WWOX: variants seen among roughly 807,000 people sequenced by gnomAD.
WWOX encodes WW domain-containing oxidoreductase.
Under a neutral mutation model 46.2 loss-of-function variants are expected in WWOX, and 69 were observed. The observed-to-expected ratio is 1.49, with a 90% confidence interval of 1.23 to 1.82. The LOEUF is 1.82. Among genes scored for constraint, WWOX ranks in the 40% most tolerant of loss-of-function variants. The pLI is 0.00. For synonymous variants in WWOX, 359 were observed against 202.6 expected (o/e 1.77, Z -6.56); for missense variants, 919 against 542.6 (o/e 1.69, Z -6.89).
intron 8 of WWOX, among the ~76,000 whole-genome samples, chr16:78,456,865 A>G (rs908560585): frequency 2.0e-5 from 3 of 152,248 alleles, no homozygotes; most frequent in Non-Finnish European, 2.9e-5. Context: ...GAAATTTGCA[A>G]TGCATCAGAT....
chr16:78,164,367 G>C (rs2034903703), intron 5 of WWOX, 78 bp downstream of exon 5: 4 of 1,276,608 alleles, frequency 3.1e-6, no homozygotes, highest in Non-Finnish European at 4.5e-6. Context: ...TTTCAGTGGA[G>C]TGTGTAAAGT....
intron 8 of WWOX, among the ~76,000 whole-genome samples, chr16:79,144,972 G>T (rs1478537545): frequency 6.6e-6 from 1 of 152,134 alleles, no homozygotes; most frequent in South Asian, 2.1e-4. Flanking sequence ...ACCATCTGAG[G>T]CTTTAGGCAT....
intron 8 of WWOX, among the ~76,000 whole-genome samples, chr16:79,047,915 A>G (rs1248055740): frequency 6.6e-6 from 1 of 152,020 alleles, no homozygotes; most frequent in Non-Finnish European, 1.5e-5. Flanking sequence ...GAACCAGAAT[A>G]CACCCGAGCA....
chr16:78,936,682 C>A (rs892681388), intron 8 of WWOX, among the ~76,000 whole-genome samples: 1 of 151,916 alleles, frequency 6.6e-6, no homozygotes, highest in African/African-American at 2.4e-5. Context: ...GCAACGTACC[C>A]TAGGTAAGGA....
chr16:78,649,153 T>C (rs1347218202), intron 8 of WWOX, among the ~76,000 whole-genome samples: 2 of 152,074 alleles, frequency 1.3e-5, no homozygotes, highest in African/African-American at 4.8e-5. Flanking sequence ...TTTTTGGTTT[T>C]TTTTGTATTT....
chr16:78,676,353 G>T (rs1249573136), intron 8 of WWOX, among the ~76,000 whole-genome samples: 1 of 151,544 alleles, frequency 6.6e-6, no homozygotes, highest in African/African-American at 2.4e-5. Context: ...TTCAGATCTT[G>T]TCACTTAGGC....
intron 8 of WWOX, among the ~76,000 whole-genome samples, chr16:78,479,154 G>A (rs188647263): frequency 1.3e-5 from 2 of 152,276 alleles, no homozygotes; most frequent in Admixed American, 1.3e-4. Context: ...AGCAGAGAAA[G>A]GTGTTTTGTT....
At chr16:78,577,171 T>C (rs1156389923) in intron 8 of WWOX, among the ~76,000 whole-genome samples, 3 of 152,218 alleles carry the variant, frequency 2.0e-5, no homozygotes, top group Non-Finnish European at 4.4e-5. Flanking sequence ...CCCATCACTT[T>C]GATTGGCTAA....
intron 8 of WWOX, among the ~76,000 whole-genome samples, chr16:78,918,339 C>A (rs546066285): frequency 2.0e-5 from 3 of 152,336 alleles, no homozygotes; most frequent in Non-Finnish European, 4.4e-5. Context: ...TTTCTCTCTT[C>A]CTTTTCCTAA....
At chr16:78,817,172 C>CTT (rs33981779) in intron 8 of WWOX, among the ~76,000 whole-genome samples, 723 of 51,556 alleles carry the variant, frequency 0.014, 158 homozygotes, top group East Asian at 0.048. Flanking sequence ...TAGTGCTATT[C>CTT]TTTTTTTTTT....
intron 8 of WWOX, among the ~76,000 whole-genome samples, chr16:79,180,170 G>A (rs535077249): frequency 7.9e-5 from 12 of 152,298 alleles, no homozygotes; most frequent in East Asian, 7.7e-4. Flanking sequence ...TCAAAACGAC[G>A]CTGGTGCCTA....
chr16:79,172,547 A>T (rs916210086), intron 8 of WWOX, among the ~76,000 whole-genome samples: 4 of 152,104 alleles, frequency 2.6e-5, no homozygotes, highest in Non-Finnish European at 4.4e-5. Context: ...CATGAATTGC[A>T]TCCAGCATGT....
At chr16:78,314,701 G>GTTTTTTT (rs920575863) in intron 5 of WWOX, among the ~76,000 whole-genome samples, 20 of 61,304 alleles carry the variant, frequency 3.3e-4, no homozygotes, top group African/African-American at 6.7e-4. Context: ...TTTTTTTTTT[G>GTTTTTTT]TTTTTTTTTT....
chr16:79,154,610 A>C (rs1200130902), intron 8 of WWOX, among the ~76,000 whole-genome samples: 1 of 152,204 alleles, frequency 6.6e-6, no homozygotes, highest in African/African-American at 2.4e-5. Flanking sequence ...CACTTGGAAA[A>C]ACTAAAAAGT....
chr16:78,923,596 A>C (rs1427762891), intron 8 of WWOX, among the ~76,000 whole-genome samples: 3 of 152,010 alleles, frequency 2.0e-5, no homozygotes, highest in East Asian at 1.9e-4. Context: ...TTTTTCTACA[A>C]ATCTCTTGGC....
At chr16:78,450,919 C>T (rs1484612738) in intron 8 of WWOX, among the ~76,000 whole-genome samples, 4 of 152,276 alleles carry the variant, frequency 2.6e-5, no homozygotes, top group Non-Finnish European at 4.4e-5. Context: ...CAATTTTCTT[C>T]TGCTTTTTGT....
Position 78,560,697 on chromosome 16 carries a change from T to C in WWOX, c.1056+127945T>C, listed in dbSNP as rs560331023. 7.2e-5 allele frequency among the ~76,000 whole-genome samples: 11 copies of C among 152,278 alleles called. No homozygotes were observed. In the South Asian group the frequency reaches 1.2e-3, roughly 17 times the overall value. On this transcript the variant is annotated intron_variant, in intron 8 of 8. Transcript: ENST00000566780. ...ATAATAATAATGTTAGTGATACATA[T>C]CATTTTGAAACCAGTTCTTAAGCAA... is the stretch of plus-strand genomic sequence containing the variant.
intron 8 of WWOX, among the ~76,000 whole-genome samples, chr16:78,572,307 G>A (rs117545177): frequency 9.9e-5 from 15 of 152,240 alleles, no homozygotes; most frequent in Non-Finnish European, 1.0e-4. Context: ...TTAAAACAGC[G>A]TTTACAGCTG....
chr16:78,814,492 C>G (rs1429384273), intron 8 of WWOX, among the ~76,000 whole-genome samples: 1 of 151,698 alleles, frequency 6.6e-6, no homozygotes, highest in African/African-American at 2.4e-5. Flanking sequence ...ATTAAGTGAA[C>G]CTCTACTTTA....
Sources: gnomAD v4.1 joint callset for allele counts (sites outside exome capture counted in the v4.1 genomes callset) on GRCh38, gnomAD v4.1.1 for gene constraint, MANE v1.5 for transcripts, NCBI Gene and HGNC (gene_info 2026-07-23, HGNC 2026-07-21) for gene names.